Variants in NINJ2 observed in about 807,000 individuals in gnomAD.
NINJ2 encodes the protein ninjurin-2.
NINJ2 carries 12 observed loss-of-function variants against 11.7 expected under a neutral mutation model. That is an observed-to-expected ratio of 1.02 (90% confidence interval 0.66 to 1.66). The LOEUF (loss-of-function observed/expected upper bound fraction) is 1.66. Among genes scored for constraint, NINJ2 ranks in the 40% most tolerant of loss-of-function variants. The pLI is 0.00. For synonymous variants in NINJ2, 93 were observed against 76.8 expected, an observed-to-expected ratio of 1.21 and a Z score of -1.10; for missense variants, 187 against 181.8, an observed-to-expected ratio of 1.03 and a Z score of -0.16.
rs1259708127 is a variant in NINJ2 at position 628,230 on chromosome 12, T to C, written c.33+35098A>G. 2.0e-5 allele frequency among the ~76,000 whole-genome samples: 3 copies of C among 152,138 alleles called. No homozygotes were observed. Among genetic ancestry groups the C allele is most frequent in the Non-Finnish European group, 4.4e-5 (3 of 68,002 alleles). On this transcript the variant is annotated intron_variant, in intron 1 of 3. Coordinates refer to ENST00000305108, the MANE Select transcript of NINJ2 (RefSeq NM_016533.6). This position sits in a 1 kb window ranked among gnomAD's most constrained non-coding sequence, Gnocchi z 4.4. ...CTCTGGCAGGCCTCTGTGTCACACC[T>C]TTCCACCAGGGAAAACTGGGTGTGG... is the stretch of plus-strand genomic sequence containing the variant.
chr12:584,786 A>T (rs1020032470), intron 1 of NINJ2, among the ~76,000 whole-genome samples: 1 of 151,408 alleles, frequency 6.6e-6, no homozygotes, highest in African/African-American at 2.4e-5. Context: ...AGACTGGGGG[A>T]TGGAGTGAGA....
intron 1 of NINJ2, among the ~76,000 whole-genome samples, chr12:611,739 T>C (rs911582927): frequency 6.6e-6 from 1 of 152,276 alleles, no homozygotes; most frequent in African/African-American, 2.4e-5. Flanking sequence ...CCTGTAGATA[T>C]TCTTCCCATA....
intron 1 of NINJ2, among the ~76,000 whole-genome samples, chr12:662,778 C>G (rs1348515509): frequency 1.3e-5 from 2 of 152,250 alleles, no homozygotes; most frequent in Non-Finnish European, 2.9e-5. Context: ...ACACACATCT[C>G]TGCCTCTTCC....
chr12:590,002 G>A (rs769116102), intron 1 of NINJ2, among the ~76,000 whole-genome samples: 3 of 152,350 alleles, frequency 2.0e-5, no homozygotes, highest in African/African-American at 7.2e-5. Context: ...GCGGATCAGG[G>A]AGGGGCTGAT....
chr12:590,756 T>C, intron 1 of NINJ2: 1 of 142,080 alleles, frequency 7.0e-6, no homozygotes, highest in Non-Finnish European at 1.6e-5. Context: ...CCCAGGACAC[T>C]AGCACTTACT....
chr12:634,025 A>C (rs1948314077), intron 1 of NINJ2, among the ~76,000 whole-genome samples: 1 of 152,048 alleles, frequency 6.6e-6, no homozygotes. Context: ...AGTTTTCTCC[A>C]CATTCATTCC....
At chr12:619,553 G>A (rs1049793559) in intron 1 of NINJ2, among the ~76,000 whole-genome samples, 11 of 152,134 alleles carry the variant, frequency 7.2e-5, no homozygotes, top group Admixed American at 3.9e-4. Context: ...TGTAAAGAAC[G>A]CTGTGTCCTC....
chr12:608,502 G>A (rs1947967678), intron 1 of NINJ2, among the ~76,000 whole-genome samples: 1 of 152,172 alleles, frequency 6.6e-6, no homozygotes, highest in Admixed American at 6.5e-5. Context: ...AGAAAGCTGA[G>A]ACATAAATGA....
At chr12:610,275 C>T (rs1948010674) in intron 1 of NINJ2, 1 of 1,342,636 alleles carries the variant, frequency 7.4e-7, no homozygotes, top group Non-Finnish European at 1.0e-6. Flanking sequence ...GCCCTCTTCA[C>T]CTGCCCAGTC....
At chr12:641,769 C>A (rs7300590) in intron 1 of NINJ2, among the ~76,000 whole-genome samples, 46,874 of 150,104 alleles carry the variant, frequency 0.31, 7,411 homozygotes, top group Non-Finnish European at 0.35. Context: ...TGCTTGAACC[C>A]GGGAGGTGGA....
At chr12:641,157 G>C (rs1948411763) in intron 1 of NINJ2, 1 of 152,176 alleles carries the variant, frequency 6.6e-6, no homozygotes, top group Non-Finnish European at 1.5e-5. Context: ...TGTCTCATCA[G>C]AACAAAAATT....
rs543470992 is a variant in NINJ2, at chr12:631,712, C to T, written c.33+31616G>A. On this transcript the variant is annotated intron_variant, in intron 1 of 3. Coordinates refer to ENST00000305108, the MANE Select transcript of NINJ2 (RefSeq NM_016533.6). ...AGAAATGAGAAATGCAAAGATTGTC[C>T]CTGTGTTATGTGTGTACTGTTTGTA... Among the ~76,000 whole-genome samples the T allele has an allele frequency of 7.3e-4, 111 of 152,288 alleles. 1 individual carries two copies. Among genetic ancestry groups the T allele is most frequent in the Admixed American group, 1.3e-3 (20 of 15,300 alleles).
chr12:663,232 G>T, intron 1 of NINJ2, 96 bp downstream of exon 1: 1 of 1,101,596 alleles, frequency 9.1e-7, no homozygotes, highest in Non-Finnish European at 1.3e-6. Flanking sequence ...AGAACGGGGA[G>T]GGAGAATATC....
chr12:620,015 G>A (rs1274936791), intron 1 of NINJ2, among the ~76,000 whole-genome samples: 2 of 152,214 alleles, frequency 1.3e-5, no homozygotes, highest in Middle Eastern at 3.2e-3. Context: ...TCATGGCTTT[G>A]TGCTCCAGTT....
At chr12:599,143 AGGCCGAGGCGGATG>A (rs1054027550) in intron 1 of NINJ2, among the ~76,000 whole-genome samples, 12 of 151,312 alleles carry the variant, frequency 7.9e-5, no homozygotes, top group Non-Finnish European at 1.6e-4. Flanking sequence ...GCACTTTGGG[AGGCCGAGGCGGATG>A]GATCACCTGA....
intron 1 of NINJ2, among the ~76,000 whole-genome samples, chr12:611,722 G>A (rs990127754): frequency 2.0e-5 from 3 of 152,258 alleles, no homozygotes; most frequent in African/African-American, 7.2e-5. Flanking sequence ...ACCTTTGGAA[G>A]CATTTCCCTG....
At chr12:641,958 T>C (rs986809424) in intron 1 of NINJ2, among the ~76,000 whole-genome samples, 1 of 152,046 alleles carries the variant, frequency 6.6e-6, no homozygotes, top group African/African-American at 2.4e-5. Context: ...ACAATGCCGC[T>C]TTAGGGTAGA....
At chr12:583,845 C>G (rs1419124210) in intron 1 of NINJ2, among the ~76,000 whole-genome samples, 1 of 152,142 alleles carries the variant, frequency 6.6e-6, no homozygotes, top group African/African-American at 2.4e-5. Context: ...CTTGGGAGCT[C>G]TCTCAGTCAC....
intron 1 of NINJ2, among the ~76,000 whole-genome samples, chr12:569,444 C>T (rs561849715): frequency 6.6e-6 from 1 of 152,334 alleles, no homozygotes; most frequent in South Asian, 2.1e-4. Context: ...GCCTCCCTGC[C>T]CCATGGCTGT....
Sources: gnomAD v4.1 joint callset for allele counts (sites outside exome capture counted in the v4.1 genomes callset) on GRCh38, gnomAD v4.1.1 for gene constraint, Gnocchi (gnomAD v3.1) non-coding constraint, MANE v1.5 for transcripts, NCBI Gene and HGNC (gene_info 2026-07-23, HGNC 2026-07-21) for gene names.